Variants in RAI2 observed in about 807,000 individuals in gnomAD.
RAI2 encodes retinoic acid induced 2.
In RAI2, 5 loss-of-function variants were observed where a neutral mutation model predicts 15.3. The observed-to-expected ratio is 0.33, with a 90% CI of 0.17 to 0.69. The LOEUF (loss-of-function observed/expected upper bound fraction) is 0.69, where lower values mean the gene tolerates loss of function less well. RAI2 is among the 30% of genes least tolerant of loss of function. RAI2 has a pLI of 0.69. For synonymous variants in RAI2, 191 were observed against 184.0 expected (o/e 1.04, Z -0.31); for missense variants, 424 against 424.7 (o/e 1.00, Z 0.01).
chrX:17,837,253 C>T (rs1377749534), intron 1 of RAI2, among the ~76,000 whole-genome samples: 1 of 111,509 alleles, frequency 9.0e-6, no homozygotes, highest in African/African-American at 3.3e-5. Flanking sequence ...AGTCGAAGAG[C>T]GAGCTGCTGC....
intron 1 of RAI2, among the ~76,000 whole-genome samples, chrX:17,817,936 A>T (rs1040160856): frequency 8.1e-5 from 9 of 111,781 alleles, no homozygotes; most frequent in African/African-American, 2.9e-4. Context: ...TTTTCTAGGC[A>T]AAGACTGCCC....
At position 17,800,633 on chromosome X, in the gene RAI2, C is replaced by T; in HGVS notation, c.1378G>A (p.Gly460Arg). The change falls in exon 2 of 2, where the codon GGG becomes AGG. Residue 460 changes from glycine to arginine, a missense_variant. By Grantham distance (125) the Gly-to-Arg change is moderately radical. Coordinates refer to ENST00000451717, the MANE Select transcript of RAI2 (RefSeq NM_021785.6). ...IFCGKIKGLSGVSTKNFSFKR... is the reference protein window; with the variant it reads ...IFCGKIKGLSRVSTKNFSFKR... ...AAGGAGAAGTTTTTGGTGGACACCC[C>T]TGAGAGGCCTTTGATCTTGCCACAG... The T allele has an allele frequency of 8.3e-7, 1 of 1,211,654 alleles. No individual in the cohort carries two copies. The highest frequency in any genetic ancestry group is 1.1e-6 in the Non-Finnish European group (1 of 895,432).
chrX:17,843,140 A>T (rs996857189), intron 1 of RAI2, among the ~76,000 whole-genome samples: 9 of 110,202 alleles, frequency 8.2e-5, no homozygotes, highest in African/African-American at 3.3e-5. Context: ...TTTTTTTTTT[A>T]AAGTGCTGAT....
intron 1 of RAI2, among the ~76,000 whole-genome samples, chrX:17,823,799 G>C (rs1172483630): frequency 8.9e-6 from 1 of 111,909 alleles, no homozygotes. Context: ...CTGGGCATCA[G>C]GATTTGTTTA....
chrX:17,801,495 C>A lies in RAI2; in HGVS notation c.516G>T (p.Arg172Ser), dbSNP rs780750228. ...TGGGCTCCTGCGGCTGGCTGGGGATCCTCAGGTCCAGGAGCTGGGGCTGGG... is the reference window on the plus strand; with the variant it reads ...TGGGCTCCTGCGGCTGGCTGGGGATACTCAGGTCCAGGAGCTGGGGCTGGG... The part of the protein sequence containing the change: ...PEAQPQLLDL[R>S]IPSQPQEPTL... Residue 172 changes from arginine (R) to serine (S), a missense_variant, in exon 2 of 2, where the codon AGG becomes AGT. Coordinates refer to ENST00000451717, the MANE Select transcript of RAI2 (RefSeq NM_021785.6). 8 of 1,182,030 alleles carry A rather than the reference C, an allele frequency of 6.8e-6. No individual in the cohort carries two copies. In the Admixed American group the frequency reaches 1.9e-4, roughly 28 times the overall value.
At chrX:17,815,984 G>GCTCCTC (rs746096052) in intron 1 of RAI2, among the ~76,000 whole-genome samples, 2 of 108,408 alleles carry the variant, frequency 1.8e-5, no homozygotes, top group South Asian at 4.1e-4. Context: ...GGCTTTGCTA[G>GCTCCTC]CTCCTCCTCC....
intron 1 of RAI2, among the ~76,000 whole-genome samples, chrX:17,804,346 G>A (rs1427226038): frequency 8.9e-6 from 1 of 112,036 alleles, no homozygotes; most frequent in Non-Finnish European, 1.9e-5. Context: ...TGTTTTCATG[G>A]ACATTATACT....
At chrX:17,839,613 T>C (rs1325152831) in intron 1 of RAI2, among the ~76,000 whole-genome samples, 1 of 112,427 alleles carries the variant, frequency 8.9e-6, no homozygotes, top group Admixed American at 9.4e-5. Flanking sequence ...CTGCAGAAAA[T>C]AGGTCTCCAT....
chrX:17,810,054 G>A (rs1279713607), intron 1 of RAI2, among the ~76,000 whole-genome samples: 1 of 111,648 alleles, frequency 9.0e-6, no homozygotes, highest in Non-Finnish European at 1.9e-5. Flanking sequence ...TTACAGGCAT[G>A]AGCCACCGTG....
intron 1 of RAI2, among the ~76,000 whole-genome samples, chrX:17,809,101 C>G (rs1213333871): frequency 2.7e-5 from 3 of 112,166 alleles, no homozygotes; most frequent in East Asian, 5.6e-4. Context: ...TGAATGTAGT[C>G]TCAAATTGGT....
intron 1 of RAI2, among the ~76,000 whole-genome samples, chrX:17,859,300 G>A (rs779048036): frequency 8.9e-6 from 1 of 111,925 alleles, no homozygotes; most frequent in Non-Finnish European, 1.9e-5. Context: ...CTCCAAAGGA[G>A]CAAGAGAGAC....
chrX:17,857,828 A>T (rs1288797545), intron 1 of RAI2, among the ~76,000 whole-genome samples: 1 of 112,250 alleles, frequency 8.9e-6, no homozygotes, highest in Non-Finnish European at 1.9e-5. Context: ...GAAAGGGTAC[A>T]GTCTGTCCAT....
chrX:17,858,466 A>G (rs945243512), intron 1 of RAI2, among the ~76,000 whole-genome samples: 1 of 111,999 alleles, frequency 8.9e-6, no homozygotes, highest in Non-Finnish European at 1.9e-5. Context: ...GACGTTTCCT[A>G]TTTTCTTATC....
At chrX:17,829,976 C>T (rs1356686198) in intron 1 of RAI2, among the ~76,000 whole-genome samples, 2 of 112,761 alleles carry the variant, frequency 1.8e-5, no homozygotes, top group African/African-American at 6.5e-5. Context: ...AGAACACAGA[C>T]AGCACCCAGT....
chrX:17,857,929 C>T (rs1205777958), intron 1 of RAI2, among the ~76,000 whole-genome samples: 3 of 111,748 alleles, frequency 2.7e-5, no homozygotes, highest in Non-Finnish European at 5.6e-5. Context: ...CCACCTTCCC[C>T]CCAATCCCCA....
intron 1 of RAI2, among the ~76,000 whole-genome samples, chrX:17,853,790 T>C (rs1024927178): frequency 2.7e-5 from 3 of 111,626 alleles, no homozygotes; most frequent in African/African-American, 9.8e-5. Flanking sequence ...CATCTGAATC[T>C]AGGAACATTA....
chrX:17,842,418 T>C (rs2067408898), intron 1 of RAI2, among the ~76,000 whole-genome samples: 2 of 111,520 alleles, frequency 1.8e-5, no homozygotes, highest in South Asian at 7.6e-4. Context: ...ATTAAGGAAC[T>C]GCTAGGTTCC....
intron 1 of RAI2, among the ~76,000 whole-genome samples, chrX:17,805,057 T>G (rs1386988647): frequency 8.9e-6 from 1 of 112,774 alleles, no homozygotes; most frequent in Non-Finnish European, 1.9e-5. Flanking sequence ...GGTCTTACAA[T>G]TATGCCCATT....
Position 17,821,325 on chromosome X carries a change from G to C in RAI2, c.-24-19291C>G, listed in dbSNP as rs2067162547. ...AGTCCCTCTGTCCACCCCTGTGCCAGCACCATGTTGTCTTCTTATACTTTC... is the reference window on the plus strand; with the variant it reads ...AGTCCCTCTGTCCACCCCTGTGCCACCACCATGTTGTCTTCTTATACTTTC... On this transcript the variant is annotated intron_variant, in intron 1 of 1. Transcript: ENST00000451717. Among the ~76,000 whole-genome samples the C allele has an allele frequency of 2.7e-5, 3 of 111,734 alleles. No individual in the cohort carries two copies. The South Asian group carries it at 1.1e-3, about 42-fold the overall frequency.
Sources: allele counts gnomAD v4.1 joint callset (sites outside exome capture counted in the v4.1 genomes callset), GRCh38; gene constraint gnomAD v4.1.1; transcripts MANE v1.5; gene names NCBI Gene and HGNC (gene_info 2026-07-23, HGNC 2026-07-21).